The following LCAT variants were observed in gnomAD, a reference collection of about 807,000 sequenced individuals.
The protein encoded by LCAT is lecithin-cholesterol acyltransferase.
LCAT carries 15 observed loss-of-function variants against 41.0 expected under a neutral mutation model. The ratio of observed to expected loss-of-function variants is 0.37; its 90% confidence interval spans 0.24 to 0.56. LCAT has a LOEUF of 0.56. Ranked by LOEUF, LCAT falls within the 20% of genes least tolerant of loss-of-function variation. The probability of loss-of-function intolerance (pLI) is 0.81; values close to 1 mark genes in which losing one functional copy is unlikely to be tolerated. For missense variants in LCAT, 449 were observed against 595.1 expected (o/e 0.75, Z 2.55); for synonymous variants, 248 against 245.4 (o/e 1.01, Z -0.10).
Position 67,940,239 on chromosome 16 carries a change from C to G in LCAT, c.988G>C (p.Ala330Pro). The G allele has an allele frequency of 6.2e-7, 1 of 1,613,636 alleles. No individual in the cohort carries two copies. The highest frequency in any genetic ancestry group is 1.3e-5 in the African/African-American group (1 of 75,048). ...AGACAGTATACTTCCACACCAGGTG[C>G]TGGGAGTCCTGCCAGGAGGTCACGT... is the stretch of plus-strand genomic sequence containing the variant. Reference protein sequence around the residue: ...QSRDLLAGLPAPGVEVYCLYG... With the variant: ...QSRDLLAGLPPPGVEVYCLYG... The change falls in exon 6 of 6, where the codon GCA becomes CCA. Residue 330 changes from alanine (A) to proline (P), a missense_variant. Transcript: ENST00000264005.
chr16:67,940,475 T>C lies in LCAT; in HGVS notation c.752A>G (p.Asp251Gly). ...IKPMLVLASG[D>G]NQGIPIMSSI... ...GGACATGATGGGGATGCCCTGGTTG[T>C]CACCTGTGGATATGGAGCAAGGTGG... Residue 251 changes from aspartate (D) to glycine (G), a missense_variant, in exon 6 of 6, where the codon GAC becomes GGC. Coordinates refer to ENST00000264005, the MANE Select transcript of LCAT (RefSeq NM_000229.2). The C allele has an allele frequency of 6.2e-7, 1 of 1,613,842 alleles. No homozygotes were observed. Among genetic ancestry groups the C allele is most frequent in the Non-Finnish European group, 8.5e-7 (1 of 1,179,930 alleles).
chr16:67,943,326 C>A lies in LCAT; in HGVS notation c.155-114G>T. 9.5e-7 allele frequency: 1 copy of A among 1,052,224 alleles called. No individual in the cohort carries two copies. The allele number at this position is 1,052,224 out of a possible 1,614,324, so 65.2% of individuals were successfully genotyped here. On this transcript the variant is annotated intron_variant, in intron 1 of 5. Transcript: ENST00000264005. The surrounding 1 kb of genome is among the most constrained non-coding windows in gnomAD (Gnocchi z 4.6). ...CCCCCACCTCCCATACCCTCAACCC[C>A]CAGGTACAAAGCACACTTACCCTCC...
Position 67,942,079 on chromosome 16 carries a change from G to A in LCAT, c.748+284C>T. The A allele has an allele frequency of 7.5e-7, 1 of 1,330,898 alleles. No homozygotes were observed. Among genetic ancestry groups the A allele is most frequent in the Non-Finnish European group, 9.7e-7 (1 of 1,032,764 alleles). The allele number at this position is 1,330,898 out of a possible 1,614,324, so 82.4% of individuals were successfully genotyped here. Reference sequence around the variant, plus strand: ...TGGAAGGCAGGCAAGGGCTGGGCAGGCAGGCTCTGGGGCTACAAGAACAAA... The same window carrying A: ...TGGAAGGCAGGCAAGGGCTGGGCAGACAGGCTCTGGGGCTACAAGAACAAA... On this transcript the variant is annotated intron_variant, in intron 5 of 5. Transcript: ENST00000264005. The surrounding 1 kb of genome is among the most constrained non-coding windows in gnomAD (Gnocchi z 6.6).
intron 5 of LCAT, chr16:67,941,515 G>A: frequency 2.1e-6 from 1 of 465,774 alleles, no homozygotes; most frequent in African/African-American, 2.1e-5. Flanking sequence ...CAGCTAACCA[G>A]GAGGCTGAGG....
chr16:67,942,921 GGA>G lies in LCAT; in HGVS notation c.365_366del (p.Ile122ThrfsTer47). On this transcript the variant is annotated frameshift_variant, in exon 3 of 6. Coordinates refer to ENST00000264005, the MANE Select transcript of LCAT (RefSeq NM_000229.2). LOFTEE classifies it high-confidence loss of function. This position sits in a 1 kb window ranked among gnomAD's most constrained non-coding sequence, Gnocchi z 6.6. ...TAGGTCTTGCCAAAGCCAGGGACGC[GGA>G]TCTGGACACCAGGGGCGTTGGACAC... The part of the protein sequence containing the change: ...GLVSNAPGVQ[I>X]RVPGFGKTYS... 6.2e-7 allele frequency: 1 copy of G among 1,613,904 alleles called. No individual in the cohort carries two copies. The highest frequency in any genetic ancestry group is 1.1e-5 in the South Asian group (1 of 91,084).
In LCAT at chr16:67,943,983, G is replaced by A; in HGVS notation, c.119C>T (p.Ala40Val). ...GGGCCGTGTGTGGTTACTGAGCTCAGCCTTGGGCGTGGTGTGCGGGGGGAA... is the reference window on the plus strand; with the variant it reads ...GGGCCGTGTGTGGTTACTGAGCTCAACCTTGGGCGTGGTGTGCGGGGGGAA... Reference protein sequence around the residue: ...VLFPPHTTPKAELSNHTRPVI... With the variant: ...VLFPPHTTPKVELSNHTRPVI... The change falls in exon 1 of 6, where the codon GCT becomes GTT. Residue 40 changes from alanine (A) to valine (V), a missense_variant. By Grantham distance (64) the Ala-to-Val change is moderately conservative. Transcript: ENST00000264005. The surrounding 1 kb of genome is among the most constrained non-coding windows in gnomAD (Gnocchi z 4.6). The A allele has an allele frequency of 6.5e-7, 1 of 1,548,640 alleles. No homozygotes were observed. The highest frequency in any genetic ancestry group is 1.2e-5 in the South Asian group (1 of 83,858).
chr16:67,940,835 C>CAAA (rs1188151330), intron 5 of LCAT: 23 of 79,656 alleles, frequency 2.9e-4, no homozygotes, highest in South Asian at 1.2e-3. Flanking sequence ...CCTGTCTCTA[C>CAAA]AAAAAAAAAA....
Position 67,943,829 on chromosome 16 carries a change from G to A in LCAT, c.154+119C>T. Reference sequence around the variant, plus strand: ...TTTGGCCCCTCCCCACACCAGGGCAGGTACTTATGTCGGGGCTTATGCAGG... The same window carrying A: ...TTTGGCCCCTCCCCACACCAGGGCAAGTACTTATGTCGGGGCTTATGCAGG... On this transcript the variant is annotated intron_variant, in intron 1 of 5. Coordinates refer to ENST00000264005, the MANE Select transcript of LCAT (RefSeq NM_000229.2). The surrounding 1 kb of genome is among the most constrained non-coding windows in gnomAD (Gnocchi z 4.6). 1 of 963,544 alleles carries A rather than the reference G, an allele frequency of 1.0e-6. No individual in the cohort carries two copies. Among genetic ancestry groups the A allele is most frequent in the South Asian group, 1.8e-5 (1 of 56,928 alleles). 59.7% of individuals were successfully genotyped at this position (963,544 alleles called of 1,614,324 possible).
rs763148775 is a variant in LCAT at position 67,942,958 on chromosome 16, G to A, written c.330C>T (p.Ser110=). The stretch of plus-strand genomic sequence containing the variant: ...CAGGGGCGTTGGACACGAGCCCAGA[G>A]CTCCGGTTGTAGACAACCCTGCGGG... The part of the protein sequence containing the change: ...IDNTRVVYNR[S]SGLVSNAPGV... The change falls in exon 3 of 6, where the codon AGC becomes AGT. Residue 110 remains serine, a synonymous_variant. Coordinates refer to ENST00000264005, the MANE Select transcript of LCAT (RefSeq NM_000229.2). This position sits in a 1 kb window ranked among gnomAD's most constrained non-coding sequence, Gnocchi z 6.6. 7.4e-6 allele frequency: 12 copies of A among 1,613,754 alleles called. No homozygotes were observed. The South Asian group carries it at 8.8e-5, about 12-fold the overall frequency.
In LCAT at chr16:67,943,813, TC is replaced by T. The variant is rs2058310052; in HGVS notation, c.154+134del. 4.8e-6 allele frequency: 4 copies of T among 829,282 alleles called. 1 individual carries two copies. The South Asian group carries it at 7.8e-5, about 16-fold the overall frequency. The allele number at this position is 829,282 out of a possible 1,614,324, so 51.4% of individuals were successfully genotyped here. On this transcript the variant is annotated intron_variant, in intron 1 of 5. Transcript: ENST00000264005. This position sits in a 1 kb window ranked among gnomAD's most constrained non-coding sequence, Gnocchi z 4.6. ...CTCTAAGGGACAAGCTTTTGGCCCC[TC>T]CCCACACCAGGGCAGGTACTTATGT...
chr16:67,942,015 T>G lies in LCAT; in HGVS notation c.748+348A>C. ...CTAGCTCTGGCAGATCCATCCTCAG[T>G]GAAGCACATCCCTGGGCAAAGGCAC... is the stretch of plus-strand genomic sequence containing the variant. On this transcript the variant is annotated intron_variant, in intron 5 of 5. Transcript: ENST00000264005. This position sits in a 1 kb window ranked among gnomAD's most constrained non-coding sequence, Gnocchi z 6.6. The G allele has an allele frequency of 8.2e-7, 1 of 1,220,910 alleles. No individual in the cohort carries two copies. The highest frequency in any genetic ancestry group is 1.6e-5 in the South Asian group (1 of 63,892). The allele number at this position is 1,220,910 out of a possible 1,614,324, so 75.6% of individuals were successfully genotyped here.
rs757555528 is a variant in LCAT at position 67,942,596 on chromosome 16, G to C, written c.524-9C>G. The C allele has an allele frequency of 5.0e-6, 8 of 1,613,200 alleles. No homozygotes were observed. In the South Asian group the frequency reaches 8.8e-5, roughly 18 times the overall value. ...GTACTCCTCCTGCTGGCCTGCAGCG[G>C]GTGGAAGGGGTCAGGGCAGCTGGGG... On this transcript the variant is annotated splice_polypyrimidine_tract_variant and intron_variant, in intron 4 of 5. Transcript: ENST00000264005. This position sits in a 1 kb window ranked among gnomAD's most constrained non-coding sequence, Gnocchi z 6.6.
At chr16:67,940,796 C>T (rs920671526) in intron 5 of LCAT, 3 of 330,420 alleles carry the variant, frequency 9.1e-6, no homozygotes, top group Non-Finnish European at 1.7e-5. Flanking sequence ...GCCAGGAGTC[C>T]GTGACCAGAC....
In LCAT at chr16:67,943,129, CCT is replaced by C. The variant is rs1401459674; in HGVS notation, c.236_237del (p.Glu79GlyfsTer23). 1.2e-6 allele frequency: 2 copies of C among 1,613,880 alleles called. No homozygotes were observed. The highest frequency in any genetic ancestry group is 2.7e-5 in the African/African-American group (2 of 74,872). On this transcript the variant is annotated frameshift_variant, in exon 2 of 6. Transcript: ENST00000264005. LOFTEE classifies it high-confidence loss of function. This position sits in a 1 kb window ranked among gnomAD's most constrained non-coding sequence, Gnocchi z 4.6. ...AGATCCAGCCAGATGGTGAAGAAGT[CCT>C]CTGTCTTGCGGTAGCACATCCAGTT... is the stretch of plus-strand genomic sequence containing the variant. The part of the protein sequence containing the change: ...VVNWMCYRKT[E>X]DFFTIWLDLN...
At position 67,943,566 on chromosome 16, in the gene LCAT, A is replaced by C; in HGVS notation, c.155-354T>G. ...TGGGCCTAATAGGGGCCGGGCATGG[A>C]TGGGCCTCTCCTGCTCACCGATCCT... On this transcript the variant is annotated intron_variant, in intron 1 of 5. Coordinates refer to ENST00000264005, the MANE Select transcript of LCAT (RefSeq NM_000229.2). The surrounding 1 kb of genome is among the most constrained non-coding windows in gnomAD (Gnocchi z 4.6). 6.0e-6 allele frequency: 3 copies of C among 501,840 alleles called. No individual in the cohort carries two copies. Among genetic ancestry groups the C allele is most frequent in the Non-Finnish European group, 7.3e-6 (2 of 274,304 alleles). 31.1% of individuals were successfully genotyped at this position (501,840 alleles called of 1,614,324 possible).
At position 67,942,961 on chromosome 16, in the gene LCAT, C is replaced by T; in HGVS notation, c.327G>A (p.Arg109=). The part of the protein sequence containing the change: ...WIDNTRVVYN[R]SSGLVSNAPG... ...GGGCGTTGGACACGAGCCCAGAGCT[C>T]CGGTTGTAGACAACCCTGCGGGGCG... The change falls in exon 3 of 6, where the codon CGG becomes CGA. Residue 109 remains arginine (R), a synonymous_variant. Coordinates refer to ENST00000264005, the MANE Select transcript of LCAT (RefSeq NM_000229.2). This position sits in a 1 kb window ranked among gnomAD's most constrained non-coding sequence, Gnocchi z 6.6. 1 of 1,613,878 alleles carries T rather than the reference C, an allele frequency of 6.2e-7. No individual in the cohort carries two copies.
In LCAT at chr16:67,942,750, C is replaced by T. The variant is rs2058299028; in HGVS notation, c.444G>A (p.Leu148=). 4 of 1,612,896 alleles carry T rather than the reference C, an allele frequency of 2.5e-6. No individual in the cohort carries two copies. Among genetic ancestry groups the T allele is most frequent in the Non-Finnish European group, 2.5e-6 (3 of 1,179,930 alleles). The change falls in exon 4 of 6, where the codon CTG becomes CTA. Residue 148 remains leucine (L), a synonymous_variant. Coordinates refer to ENST00000264005, the MANE Select transcript of LCAT (RefSeq NM_000229.2). The surrounding 1 kb of genome is among the most constrained non-coding windows in gnomAD (Gnocchi z 6.6). ...AGCCATTGTTGACCAGGTTCTGCAC[C>T]AGTGTGTGCAGGTACCCTGTGGGGG... The part of the protein sequence containing the change: ...SSKLAGYLHT[L]VQNLVNNGYV...
Position 67,940,257 on chromosome 16 carries a change from G to A in LCAT, c.970C>T (p.Leu324Phe). The change falls in exon 6 of 6, where the codon CTC becomes TTC. Residue 324 changes from leucine to phenylalanine, a missense_variant. Leu to Phe is a conservative substitution (Grantham distance 22). Coordinates refer to ENST00000264005, the MANE Select transcript of LCAT (RefSeq NM_000229.2). Reference protein sequence around the residue: ...GWYMWLQSRDLLAGLPAPGVE... With the variant: ...GWYMWLQSRDFLAGLPAPGVE... Reference sequence around the variant, plus strand: ...CCAGGTGCTGGGAGTCCTGCCAGGAGGTCACGTGACTGCAGCCACATGTAC... The same window carrying A: ...CCAGGTGCTGGGAGTCCTGCCAGGAAGTCACGTGACTGCAGCCACATGTAC... The A allele has an allele frequency of 6.2e-7, 1 of 1,613,882 alleles. No homozygotes were observed.
rs1266543997 is a variant in LCAT, at chr16:67,941,937, G to A, written c.748+426C>T. On this transcript the variant is annotated intron_variant, in intron 5 of 5. Transcript: ENST00000264005. ...TAGGTGGTAGCTGTGTCAGTGCTGG[G>A]CCCTGGTGCCACTCCCTAGGGAAGA... 3.4e-6 allele frequency: 4 copies of A among 1,177,318 alleles called. No homozygotes were observed. In the East Asian group the frequency reaches 2.3e-4, roughly 69 times the overall value. 72.9% of individuals were successfully genotyped at this position (1,177,318 alleles called of 1,614,324 possible). A position where few individuals can be genotyped will look rare whatever the true frequency, so the allele number is the denominator to read the frequency against.
Sources: allele counts gnomAD v4.1 joint callset, GRCh38; gene constraint gnomAD v4.1.1; non-coding constraint Gnocchi (gnomAD v3.1); transcripts MANE v1.5; gene names NCBI Gene and HGNC (gene_info 2026-07-23, HGNC 2026-07-21).